VWA3A: variants seen among roughly 807,000 people sequenced by gnomAD.
VWA3A encodes the protein von Willebrand factor A domain containing 3A.
VWA3A carries 134 observed loss-of-function variants against 160.4 expected under a neutral mutation model. The observed-to-expected ratio is 0.84, with a 90% CI of 0.73 to 0.96. The LOEUF is 0.96. VWA3A is among the 40% of genes least tolerant of loss of function. The pLI is 0.00. For synonymous variants in VWA3A, 476 were observed against 543.4 expected (o/e 0.88, Z 1.72); for missense variants, 1,310 against 1,447.9 (o/e 0.90, Z 1.55).
chr16:22,129,659 C>T (rs1157156073), intron 17 of VWA3A, among the ~76,000 whole-genome samples: 1 of 152,058 alleles, frequency 6.6e-6, no homozygotes, highest in Non-Finnish European at 1.5e-5. Context: ...GAGCCATCAG[C>T]ATTTTGATTC....
chr16:22,143,839 C>T (rs950669743), intron 25 of VWA3A, among the ~76,000 whole-genome samples: 3 of 151,248 alleles, frequency 2.0e-5, no homozygotes, highest in African/African-American at 4.9e-5. Context: ...CTCCTGGGTT[C>T]AAACGATTCT....
chr16:22,126,068 A>G, intron 16 of VWA3A, 110 bp from the exon 17 acceptor site: 1 of 1,491,786 alleles, frequency 6.7e-7, no homozygotes, highest in Non-Finnish European at 9.1e-7. Context: ...CCAGCTATGA[A>G]TTTGGCATGC....
intron 6 of VWA3A, among the ~76,000 whole-genome samples, chr16:22,105,033 T>C (rs1014036101): frequency 1.3e-5 from 2 of 152,172 alleles, no homozygotes; most frequent in African/African-American, 4.8e-5. Context: ...TTCCAGGCTG[T>C]GGTCTTCACC....
chr16:22,133,149 C>G, intron 20 of VWA3A, 54 bp downstream of exon 20: 1 of 1,550,968 alleles, frequency 6.4e-7, no homozygotes, highest in Non-Finnish European at 8.8e-7. Context: ...TGTCTCAGCA[C>G]CAGCATAGCT....
chr16:22,103,952 G>A (rs144924276), intron 6 of VWA3A, among the ~76,000 whole-genome samples: 170 of 152,168 alleles, frequency 1.1e-3, no homozygotes, highest in African/African-American at 3.5e-3. Flanking sequence ...GACTTCTGGG[G>A]CAAAAATAAA....
At chr16:22,154,937 G>A (rs1389292983) in intron 31 of VWA3A, among the ~76,000 whole-genome samples, 17 of 128,190 alleles carry the variant, frequency 1.3e-4, no homozygotes, top group Admixed American at 3.6e-4. Context: ...GTCCGGCCTG[G>A]GCGACAGAGC....
At chr16:22,140,609 T>C (rs1185670972) in intron 23 of VWA3A, among the ~76,000 whole-genome samples, 1 of 137,444 alleles carries the variant, frequency 7.3e-6, no homozygotes, top group Non-Finnish European at 1.6e-5. Context: ...CTGTCTCTAC[T>C]TTTTTTTTTT....
chr16:22,109,293 A>T (rs956261643), intron 6 of VWA3A, among the ~76,000 whole-genome samples, 189 bp from the exon 7 acceptor site: 4 of 152,224 alleles, frequency 2.6e-5, no homozygotes, highest in African/African-American at 9.6e-5. Context: ...ACAAAATAAG[A>T]GCAGATCATG....
intron 21 of VWA3A, among the ~76,000 whole-genome samples, chr16:22,135,448 C>A (rs2046022748): frequency 1.3e-5 from 2 of 152,184 alleles, no homozygotes; most frequent in South Asian, 4.1e-4. Context: ...ATTACATCTG[C>A]AAAGACCCTA....
intron 6 of VWA3A, 100 bp downstream of exon 6, chr16:22,103,629 C>T: frequency 7.1e-7 from 1 of 1,410,300 alleles, no homozygotes; most frequent in East Asian, 2.5e-5. Context: ...ATATAAATTG[C>T]TTAAGCTAAA....
At position 22,111,001 on chromosome 16, in the gene VWA3A, G is replaced by A; in HGVS notation, c.689+7G>A. 2 of 1,595,786 alleles carry A rather than the reference G, an allele frequency of 1.3e-6. No individual in the cohort carries two copies. The highest frequency in any genetic ancestry group is 1.3e-5 in the African/African-American group (1 of 74,606). ...TGGAAGTCAGCGCCTCCACGTGAGT[G>A]GCTTTCCTACCTGACGGTGATGTTC... On this transcript the variant is annotated splice_region_variant and intron_variant, in intron 8 of 33. Transcript: ENST00000389398.
Position 22,123,076 on chromosome 16 carries a change from T to C in VWA3A, c.1357-9T>C, listed in dbSNP as rs1349716710. ...GCCTGCTCACCCTCCTGCCCATGCC[T>C]GAGTATAGAAGGCAATGATACAATT... On this transcript the variant is annotated splice_polypyrimidine_tract_variant and intron_variant, in intron 14 of 33. Transcript: ENST00000389398. The C allele has an allele frequency of 2.5e-6, 4 of 1,593,760 alleles. No individual in the cohort carries two copies. Among genetic ancestry groups the C allele is most frequent in the Non-Finnish European group, 3.4e-6 (4 of 1,169,426 alleles).
intron 17 of VWA3A, 30 bp from the exon 18 acceptor site, chr16:22,131,175 C>G: frequency 6.2e-7 from 1 of 1,609,592 alleles, no homozygotes. Flanking sequence ...CTCCCCCAGC[C>G]TAAGAACGAA....
At chr16:22,142,400 A>T (rs1242548569) in intron 24 of VWA3A, among the ~76,000 whole-genome samples, 1 of 152,026 alleles carries the variant, frequency 6.6e-6, no homozygotes, top group Admixed American at 6.6e-5. Context: ...ATGTGCAGAG[A>T]TCACATGGAG....
chr16:22,149,015 C>T (rs1022820353), intron 28 of VWA3A, among the ~76,000 whole-genome samples: 1 of 152,186 alleles, frequency 6.6e-6, no homozygotes, highest in Non-Finnish European at 1.5e-5. Flanking sequence ...TCATCGTAGA[C>T]TAGGCCTCGT....
At chr16:22,126,643 C>T (rs2045854857) in intron 17 of VWA3A, among the ~76,000 whole-genome samples, 2 of 152,140 alleles carry the variant, frequency 1.3e-5, no homozygotes, top group Non-Finnish European at 2.9e-5. Flanking sequence ...TGTCAGTCCT[C>T]AGCCTGTCTC....
At chr16:22,150,972 C>T (rs1162289811) in intron 30 of VWA3A, 126 bp downstream of exon 30, 11 of 1,199,778 alleles carry the variant, frequency 9.2e-6, no homozygotes, top group East Asian at 2.8e-5. Flanking sequence ...GGGCCCTAAT[C>T]CTGTAAATCA....
At chr16:22,151,275 C>CAAA (rs528478882) in intron 30 of VWA3A, among the ~76,000 whole-genome samples, 1 of 104,968 alleles carries the variant, frequency 9.5e-6, no homozygotes, top group African/African-American at 3.6e-5. Flanking sequence ...GTGAGACTGT[C>CAAA]AAAAAAAAAA....
chr16:22,118,760 A>G (rs2045686287), intron 11 of VWA3A, 142 bp from the exon 12 acceptor site: 3 of 1,072,774 alleles, frequency 2.8e-6, no homozygotes, highest in South Asian at 3.1e-5. Flanking sequence ...TCTGTCTGGC[A>G]CATGGGTCCC....
Sources: gnomAD v4.1 joint callset for allele counts (sites outside exome capture counted in the v4.1 genomes callset) on GRCh38, gnomAD v4.1.1 for gene constraint, MANE v1.5 for transcripts, NCBI Gene and HGNC (gene_info 2026-07-23, HGNC 2026-07-21) for gene names.